Variants in KALRN observed in about 807,000 individuals in gnomAD.
The protein encoded by KALRN is kalirin RhoGEF kinase.
KALRN carries 70 observed loss-of-function variants against 353.7 expected under a neutral mutation model. That is an observed-to-expected ratio of 0.20 (90% confidence interval 0.16 to 0.24). The LOEUF (loss-of-function observed/expected upper bound fraction) is 0.24. KALRN is among the 10% of genes least tolerant of loss of function. KALRN has a pLI of 1.00. For missense variants in KALRN, 2,791 were observed against 3,756.7 expected, an observed-to-expected ratio of 0.74 and a Z score of 6.72; for synonymous variants, 1,391 against 1,434.8, an observed-to-expected ratio of 0.97 and a Z score of 0.69.
intron 1 of KALRN, among the ~76,000 whole-genome samples, chr3:124,106,124 G>A (rs1412313698): frequency 6.6e-6 from 1 of 152,298 alleles, no homozygotes; most frequent in South Asian, 2.1e-4. Flanking sequence ...GCAGTGACCT[G>A]GAGGAGGTAG....
At chr3:124,273,977 G>C (rs1271389285) in intron 5 of KALRN, among the ~76,000 whole-genome samples, 1 of 152,188 alleles carries the variant, frequency 6.6e-6, no homozygotes, top group Non-Finnish European at 1.5e-5. Context: ...TGTGATGAAG[G>C]TGTCTGCCCT....
intron 5 of KALRN, among the ~76,000 whole-genome samples, chr3:124,295,239 G>C (rs920668202): frequency 1.1e-4 from 16 of 152,258 alleles, no homozygotes; most frequent in African/African-American, 3.4e-4. Flanking sequence ...CCCCAGAGCA[G>C]GTCTTTTTCT....
intron 1 of KALRN, among the ~76,000 whole-genome samples, chr3:124,197,054 C>T (rs1280329863): frequency 6.6e-6 from 1 of 152,168 alleles, no homozygotes; most frequent in African/African-American, 2.4e-5. Context: ...GCTATGCTAC[C>T]ATCATTTATT....
chr3:124,208,134 G>T (rs1431984421), intron 1 of KALRN, among the ~76,000 whole-genome samples: 1 of 152,204 alleles, frequency 6.6e-6, no homozygotes, highest in Non-Finnish European at 1.5e-5. Flanking sequence ...CTCACCGCTT[G>T]AGGACCTGCG....
intron 1 of KALRN, among the ~76,000 whole-genome samples, chr3:124,126,379 T>G (rs2064675366): frequency 6.6e-6 from 1 of 152,226 alleles, no homozygotes; most frequent in Admixed American, 6.5e-5. Flanking sequence ...TTTCTTTCTT[T>G]CAATCATTGA....
intron 13 of KALRN, 68 bp from the exon 14 acceptor site, chr3:124,413,402 T>G: frequency 1.4e-5 from 19 of 1,319,268 alleles, no homozygotes; most frequent in Non-Finnish European, 1.9e-5. Context: ...CTTGGAATTG[T>G]GAGCCTTAAC....
intron 1 of KALRN, among the ~76,000 whole-genome samples, chr3:124,101,311 C>A (rs1306646475): frequency 1.3e-5 from 2 of 152,188 alleles, no homozygotes; most frequent in African/African-American, 4.8e-5. Context: ...AAAAACCTTT[C>A]CTTCCTTGGT....
chr3:124,235,488 C>T (rs554175830), intron 3 of KALRN, among the ~76,000 whole-genome samples: 5 of 64,666 alleles, frequency 7.7e-5, no homozygotes, highest in South Asian at 8.9e-4. Context: ...GTGGGAGACA[C>T]GCCAAGGACA....
chr3:124,505,383 A>G (rs2065092061), intron 33 of KALRN, among the ~76,000 whole-genome samples: 1 of 152,176 alleles, frequency 6.6e-6, no homozygotes, highest in Non-Finnish European at 1.5e-5. Context: ...TAATCCTACT[A>G]CTTTGAGAGG....
At chr3:124,463,587 G>A (rs971117729) in intron 25 of KALRN, among the ~76,000 whole-genome samples, 1 of 152,192 alleles carries the variant, frequency 6.6e-6, no homozygotes, top group African/African-American at 2.4e-5. Flanking sequence ...GTGCTACTGA[G>A]GAACTGAATT....
chr3:124,331,336 T>C (rs1333845606), intron 8 of KALRN, among the ~76,000 whole-genome samples: 2 of 152,244 alleles, frequency 1.3e-5, no homozygotes, highest in Admixed American at 1.3e-4. Context: ...ACCATTATTC[T>C]AAGTGAAGTA....
intron 33 of KALRN, among the ~76,000 whole-genome samples, chr3:124,542,517 C>T (rs896769614): frequency 3.3e-5 from 5 of 152,120 alleles, no homozygotes; most frequent in African/African-American, 7.2e-5. Context: ...TGTCACTTTC[C>T]GGCACAAAGC....
At chr3:124,366,041 T>A (rs980423698) in intron 10 of KALRN, among the ~76,000 whole-genome samples, 5 of 152,162 alleles carry the variant, frequency 3.3e-5, no homozygotes, top group Non-Finnish European at 5.9e-5. Context: ...GTGATCATTT[T>A]TAGTGAGTTT....
intron 9 of KALRN, among the ~76,000 whole-genome samples, chr3:124,344,903 C>T (rs971543668): frequency 2.0e-5 from 3 of 152,246 alleles, no homozygotes; most frequent in East Asian, 1.9e-4. Context: ...AAACAAATTG[C>T]GTTTAAAAAA....
At chr3:124,365,752 A>G (rs1465783565) in intron 10 of KALRN, among the ~76,000 whole-genome samples, 2 of 152,214 alleles carry the variant, frequency 1.3e-5, no homozygotes, top group African/African-American at 2.4e-5. Flanking sequence ...CCCAAGGTCC[A>G]GACTCCCTGC....
At chr3:124,285,023 A>G (rs966677587) in intron 5 of KALRN, among the ~76,000 whole-genome samples, 1 of 152,170 alleles carries the variant, frequency 6.6e-6, no homozygotes, top group Non-Finnish European at 1.5e-5. Context: ...CTCTTCCCCA[A>G]GTGATAGGGG....
At chr3:124,091,086 G>A (rs1255995671) in intron 1 of KALRN, among the ~76,000 whole-genome samples, 2 of 152,210 alleles carry the variant, frequency 1.3e-5, no homozygotes, top group Non-Finnish European at 2.9e-5. Flanking sequence ...GTGTTGCCAC[G>A]GGTTCCACTC....
At chr3:124,560,214 C>T (rs564600735) in intron 33 of KALRN, among the ~76,000 whole-genome samples, 51 of 152,246 alleles carry the variant, frequency 3.3e-4, no homozygotes, top group Non-Finnish European at 6.9e-4. Flanking sequence ...GCCCCTTCTG[C>T]TCTAACAGTC....
In KALRN at chr3:124,534,771, C is replaced by T. The variant is rs1248650910; in HGVS notation, c.4936-28072C>T. ...GATAGAGAAGTAAGAACCAGATTTC[C>T]TTCCTGGCCTGAAACAATTTTTTTA... On this transcript the variant is annotated intron_variant, in intron 33 of 59. Transcript: ENST00000682506. 2.5e-5 allele frequency among the ~76,000 whole-genome samples: 3 copies of T among 121,456 alleles called. No individual in the cohort carries two copies. In the East Asian group the frequency reaches 6.2e-4, roughly 25 times the overall value. 79.7% of individuals were successfully genotyped at this position (121,456 alleles called of 152,430 possible).
Sources: allele counts gnomAD v4.1 joint callset (sites outside exome capture counted in the v4.1 genomes callset), GRCh38; gene constraint gnomAD v4.1.1; transcripts MANE v1.5; gene names NCBI Gene and HGNC (gene_info 2026-07-23, HGNC 2026-07-21).